The following RORA variants were observed in gnomAD, a reference collection of about 807,000 sequenced individuals.
RORA encodes nuclear receptor ROR-alpha.
Under a neutral mutation model 69.5 loss-of-function variants are expected in RORA, and 7 were observed. The observed-to-expected ratio is 0.10, with a 90% CI of 0.06 to 0.19. The LOEUF is 0.19. Among genes scored for constraint, RORA ranks in the 10% least tolerant of loss-of-function variants. The pLI is 1.00. For synonymous variants in RORA, 261 were observed against 240.8 expected, an observed-to-expected ratio of 1.08 and a Z score of -0.78; for missense variants, 457 against 663.0, an observed-to-expected ratio of 0.69 and a Z score of 3.41.
At chr15:60,608,595 TA>T (rs1330643940) in intron 2 of RORA, among the ~76,000 whole-genome samples, 8 of 152,316 alleles carry the variant, frequency 5.3e-5, no homozygotes, top group Non-Finnish European at 5.9e-5. Flanking sequence ...CTGAAGAGTT[TA>T]TATTTTGAGA....
At chr15:60,512,363 G>A (rs1470114322) in intron 4 of RORA, among the ~76,000 whole-genome samples, 1 of 152,168 alleles carries the variant, frequency 6.6e-6, no homozygotes, top group Non-Finnish European at 1.5e-5. Context: ...ATGGCTCACT[G>A]CAGCCTCAAC....
intron 1 of RORA, among the ~76,000 whole-genome samples, chr15:61,116,702 G>C (rs990219188): frequency 2.6e-5 from 4 of 152,196 alleles, no homozygotes; most frequent in African/African-American, 9.7e-5. Flanking sequence ...AGGTGAACTG[G>C]GTGCTGGGTG....
chr15:61,132,751 A>G (rs1160694), intron 1 of RORA, among the ~76,000 whole-genome samples: 80,797 of 152,028 alleles, frequency 0.53, 23,996 homozygotes, highest in Non-Finnish European at 0.69. Flanking sequence ...TTTACCTACT[A>G]TTCTATAAAT....
At chr15:60,735,884 C>T (rs1438105486) in intron 1 of RORA, among the ~76,000 whole-genome samples, 1 of 152,166 alleles carries the variant, frequency 6.6e-6, no homozygotes, top group Non-Finnish European at 1.5e-5. Flanking sequence ...GTCAACTCAC[C>T]ATTGGAGACA....
At chr15:60,854,588 T>C (rs2073361056) in intron 1 of RORA, among the ~76,000 whole-genome samples, 1 of 152,212 alleles carries the variant, frequency 6.6e-6, no homozygotes, top group Non-Finnish European at 1.5e-5. Flanking sequence ...TGGCTGAATA[T>C]GGCCTTTAGT....
At chr15:61,007,933 A>T (rs1221724651) in intron 1 of RORA, among the ~76,000 whole-genome samples, 2 of 151,240 alleles carry the variant, frequency 1.3e-5, no homozygotes, top group Admixed American at 6.6e-5. Context: ...AAGAAAAAAG[A>T]TGTAGAAGTT....
chr15:60,520,930 TA>T (rs2066143803), intron 3 of RORA, among the ~76,000 whole-genome samples: 1 of 152,336 alleles, frequency 6.6e-6, no homozygotes, highest in Non-Finnish European at 1.5e-5. Context: ...TCAGGTAGTA[TA>T]CGTTTAGTGT....
chr15:60,671,765 C>A (rs543543966), intron 2 of RORA, among the ~76,000 whole-genome samples: 5 of 151,872 alleles, frequency 3.3e-5, no homozygotes, highest in African/African-American at 4.8e-5. Flanking sequence ...GCGTGTGCCA[C>A]CACTCCTGAC....
At chr15:60,815,832 T>C (rs1219851020) in intron 1 of RORA, among the ~76,000 whole-genome samples, 1 of 149,526 alleles carries the variant, frequency 6.7e-6, no homozygotes, top group Non-Finnish European at 1.5e-5. Context: ...ACAATAATAG[T>C]ATATATTTAC....
intron 1 of RORA, among the ~76,000 whole-genome samples, chr15:61,056,724 A>G (rs1328128494): frequency 1.3e-5 from 2 of 152,258 alleles, no homozygotes; most frequent in African/African-American, 4.8e-5. Context: ...GAATGAAAAA[A>G]TAATTATCAA....
chr15:61,215,031 A>ATTTTTTTTTTT (rs61132940), intron 1 of RORA, among the ~76,000 whole-genome samples: 1 of 80,624 alleles, frequency 1.2e-5, no homozygotes, highest in African/African-American at 5.0e-5. Flanking sequence ...CGCCCAGCTA[A>ATTTTTTTTTTT]TTTTTTTTTT....
chr15:60,937,150 G>A (rs1256587521), intron 1 of RORA, among the ~76,000 whole-genome samples: 1 of 152,114 alleles, frequency 6.6e-6, no homozygotes, highest in Non-Finnish European at 1.5e-5. Flanking sequence ...GCATACAGCT[G>A]GCAAGTGGCA....
intron 1 of RORA, among the ~76,000 whole-genome samples, chr15:60,756,402 G>A (rs528417795): frequency 1.3e-5 from 2 of 152,320 alleles, no homozygotes; most frequent in Admixed American, 1.3e-4. Context: ...ATGACAAATA[G>A]TAGAAGAATT....
At chr15:61,073,083 C>T (rs925131524) in intron 1 of RORA, among the ~76,000 whole-genome samples, 7 of 152,222 alleles carry the variant, frequency 4.6e-5, no homozygotes, top group Middle Eastern at 3.2e-3. Context: ...TCTTAACTCT[C>T]TGTAGAAAAG....
intron 1 of RORA, among the ~76,000 whole-genome samples, chr15:61,025,537 A>G (rs1895765733): frequency 1.3e-5 from 2 of 152,230 alleles, no homozygotes; most frequent in Non-Finnish European, 2.9e-5. Flanking sequence ...CGACTCAGAC[A>G]GTCTTTGTGA....
chr15:60,861,837 C>T (rs573319886), intron 1 of RORA, among the ~76,000 whole-genome samples: 1 of 152,180 alleles, frequency 6.6e-6, no homozygotes, highest in Non-Finnish European at 1.5e-5. Flanking sequence ...ACAGAAGGTA[C>T]TCTGTCCTGG....
chr15:60,850,877 C>T (rs554866001), intron 1 of RORA, among the ~76,000 whole-genome samples: 4 of 152,278 alleles, frequency 2.6e-5, no homozygotes, highest in South Asian at 2.1e-4. Flanking sequence ...AAGGCCATTA[C>T]GTGAACACAG....
chr15:60,685,778 C>T (rs931158409), intron 1 of RORA, among the ~76,000 whole-genome samples: 3 of 152,122 alleles, frequency 2.0e-5, no homozygotes, highest in Non-Finnish European at 4.4e-5. Context: ...AAGGACAACA[C>T]GTGGAAGGCA....
chr15:60,766,374 T>G (rs1595698140), intron 1 of RORA, among the ~76,000 whole-genome samples: 1 of 152,286 alleles, frequency 6.6e-6, no homozygotes, highest in Non-Finnish European at 1.5e-5. Flanking sequence ...AAAGCCAATT[T>G]AAAAAGCCTT....
Sources: gnomAD v4.1 joint callset for allele counts (sites outside exome capture counted in the v4.1 genomes callset) on GRCh38, gnomAD v4.1.1 for gene constraint, MANE v1.5 for transcripts, NCBI Gene and HGNC (gene_info 2026-07-23, HGNC 2026-07-21) for gene names.